RHOA: variants seen among roughly 807,000 people sequenced by gnomAD.
RHOA encodes transforming protein RhoA.
Under a neutral mutation model 17.5 loss-of-function variants are expected in RHOA, and 3 were observed. That is an observed-to-expected ratio of 0.17 (90% CI 0.08 to 0.44). The LOEUF is 0.44. Ranked by LOEUF, RHOA falls within the 20% of genes least tolerant of loss-of-function variation. RHOA has a pLI of 0.99. For synonymous variants in RHOA, 98 were observed against 88.4 expected (o/e 1.11, Z -0.61); for missense variants, 56 against 242.3 (o/e 0.23, Z 5.10).
intron 1 of RHOA, among the ~76,000 whole-genome samples, chr3:49,397,308 C>T (rs894389480): frequency 6.6e-6 from 1 of 151,856 alleles, no homozygotes; most frequent in Non-Finnish European, 1.5e-5. Context: ...TAAGGCTGGG[C>T]GTGGTGATAG....
At chr3:49,397,129 CAAAAA>C (rs141767876) in intron 1 of RHOA, among the ~76,000 whole-genome samples, 1 of 86,242 alleles carries the variant, frequency 1.2e-5, no homozygotes, top group Non-Finnish European at 2.2e-5. Context: ...AATCCTGTCT[CAAAAA>C]AAAAAAAAAA....
chr3:49,394,115 C>A (rs1265764396), intron 1 of RHOA, among the ~76,000 whole-genome samples: 5 of 152,104 alleles, frequency 3.3e-5, no homozygotes, highest in African/African-American at 9.7e-5. Context: ...CGTGATCTGC[C>A]TGCCTCAGCC....
intron 1 of RHOA, among the ~76,000 whole-genome samples, chr3:49,379,133 A>C (rs1375125394): frequency 6.6e-6 from 1 of 152,156 alleles, no homozygotes; most frequent in Non-Finnish European, 1.5e-5. Flanking sequence ...AAAAATGTAA[A>C]GAACCCAAAT....
intron 1 of RHOA, among the ~76,000 whole-genome samples, chr3:49,400,092 A>T (rs1047459909): frequency 6.6e-6 from 1 of 151,666 alleles, no homozygotes; most frequent in Non-Finnish European, 1.5e-5. Flanking sequence ...CGTGCTTGTA[A>T]TCCCAGCTAC....
At chr3:49,408,485 G>A (rs1481023405) in intron 1 of RHOA, among the ~76,000 whole-genome samples, 3 of 152,106 alleles carry the variant, frequency 2.0e-5, no homozygotes, top group African/African-American at 7.2e-5. Flanking sequence ...CACCCAGAAC[G>A]AGCAGCTTCA....
chr3:49,364,761 C>G (rs1430162884), intron 3 of RHOA, among the ~76,000 whole-genome samples: 2 of 152,024 alleles, frequency 1.3e-5, no homozygotes, highest in African/African-American at 4.8e-5. Flanking sequence ...GCAGGTGGAT[C>G]AGGAGTTTGA....
chr3:49,389,122 A>G (rs748621980), intron 1 of RHOA, among the ~76,000 whole-genome samples: 101 of 151,930 alleles, frequency 6.6e-4, no homozygotes, highest in African/African-American at 1.8e-3. Context: ...CGGGTGGAAC[A>G]CCTGAAGTCA....
At chr3:49,395,567 G>A (rs567678536) in intron 1 of RHOA, among the ~76,000 whole-genome samples, 16 of 151,882 alleles carry the variant, frequency 1.1e-4, no homozygotes, top group Non-Finnish European at 2.2e-4. Flanking sequence ...ACAAAAATTA[G>A]CCAGGCGTGG....
At chr3:49,398,552 G>A (rs536832391) in intron 1 of RHOA, among the ~76,000 whole-genome samples, 37 of 151,910 alleles carry the variant, frequency 2.4e-4, no homozygotes, top group East Asian at 7.8e-4. Context: ...GGCAGGGCGC[G>A]GTGGCTCACG....
chr3:49,362,684 C>T (rs2047991129), intron 3 of RHOA, 58 bp from the exon 4 acceptor site: 1 of 1,427,940 alleles, frequency 7.0e-7, no homozygotes. Flanking sequence ...GAAGACTTTC[C>T]AAGAACCTCA....
chr3:49,378,023 C>T (rs1259522463), intron 1 of RHOA, among the ~76,000 whole-genome samples: 1 of 151,256 alleles, frequency 6.6e-6, no homozygotes, highest in Non-Finnish European at 1.5e-5. Flanking sequence ...GTGGTGGGCA[C>T]CTGTAATCCC....
intron 1 of RHOA, among the ~76,000 whole-genome samples, chr3:49,399,047 T>A (rs549882435): frequency 1.7e-4 from 9 of 51,492 alleles, no homozygotes; most frequent in African/African-American, 6.1e-4. Flanking sequence ...AGAGCAAGAC[T>A]CCGTCTCAAA....
chr3:49,375,073 C>A (rs1489943183), intron 2 of RHOA, among the ~76,000 whole-genome samples: 1 of 151,952 alleles, frequency 6.6e-6, no homozygotes, highest in Non-Finnish European at 1.5e-5. Context: ...AAGTTTGAGA[C>A]CAGCCTGGTG....
chr3:49,367,342 CA>C (rs62926260), intron 3 of RHOA, among the ~76,000 whole-genome samples: 1,973 of 80,122 alleles, frequency 0.025, 10 homozygotes, highest in African/African-American at 0.065. Context: ...GACTCCCTCT[CA>C]AAAAAAAAAA....
intron 1 of RHOA, among the ~76,000 whole-genome samples, chr3:49,388,190 G>T (rs1461945586): frequency 6.6e-6 from 1 of 151,752 alleles, no homozygotes; most frequent in South Asian, 2.1e-4. Context: ...TTCTATTTGT[G>T]TGGGTGTGTG....
rs62926260 is a variant in RHOA at position 49,367,342 on chromosome 3, C to CAAAAAAAAAAAAAAAAAA, written c.277+1068_277+1085dup. Among the ~76,000 whole-genome samples, 124 of 80,438 alleles carry CAAAAAAAAAAAAAAAAAA rather than the reference C, an allele frequency of 1.5e-3. 3 individuals carry two copies. The highest frequency in any genetic ancestry group is 6.9e-3 in the Middle Eastern group (1 of 144). The allele number at this position is 80,438 out of a possible 152,430, so 52.8% of individuals were successfully genotyped here. ...TGGGAGACAGAGCAAGACTCCCTCT[C>CAAAAAAAAAAAAAAAAAA]AAAAAAAAAAAAAAAAAAAAAAAAG... On this transcript the variant is annotated intron_variant, in intron 3 of 4. Transcript: ENST00000418115.
intron 1 of RHOA, among the ~76,000 whole-genome samples, chr3:49,379,245 TG>T (rs931103557): frequency 3.9e-5 from 6 of 152,168 alleles, no homozygotes; most frequent in African/African-American, 1.4e-4. Flanking sequence ...GGATAGATCT[TG>T]GAAATGTTAT....
In RHOA at chr3:49,411,959, A is replaced by T. The variant is rs1441825881; in HGVS notation, c.-142T>A. On this transcript the variant is annotated 5_prime_UTR_variant, in exon 1 of 5. Transcript: ENST00000418115. ...CCGACGGAGGACCGCGGGCGGCGGG[A>T]GGGTAGCGCGAGAGAGCGAGGGCGG... is the stretch of plus-strand genomic sequence containing the variant. The T allele has an allele frequency of 6.9e-6, 1 of 145,724 alleles. No individual in the cohort carries two copies. Among genetic ancestry groups the T allele is most frequent in the Admixed American group, 6.9e-5 (1 of 14,560 alleles). 9.0% of individuals were successfully genotyped at this position (145,724 alleles called of 1,614,324 possible). A position where few individuals can be genotyped will look rare whatever the true frequency, so the allele number is the denominator to read the frequency against.
intron 1 of RHOA, among the ~76,000 whole-genome samples, chr3:49,388,995 C>T (rs931596676): frequency 1.3e-5 from 2 of 152,256 alleles, no homozygotes; most frequent in East Asian, 3.9e-4. Flanking sequence ...CAAAGAACCA[C>T]ATGTTTCATA....
Sources: gnomAD v4.1 joint callset for allele counts (sites outside exome capture counted in the v4.1 genomes callset) on GRCh38, gnomAD v4.1.1 for gene constraint, MANE v1.5 for transcripts, NCBI Gene and HGNC (gene_info 2026-07-23, HGNC 2026-07-21) for gene names.